Variants in ELK3 observed in about 807,000 individuals in gnomAD.
ELK3 encodes ETS transcription factor ELK3, also known as ETS domain-containing protein Elk-3.
ELK3 carries 10 observed loss-of-function variants against 28.9 expected under a neutral mutation model. The observed-to-expected ratio is 0.35, with a 90% CI of 0.21 to 0.59. ELK3 has a LOEUF of 0.59. Ranked by LOEUF, ELK3 falls within the 20% of genes least tolerant of loss-of-function variation. The pLI is 0.82. For missense variants in ELK3, 463 were observed against 517.3 expected (o/e 0.90, Z 1.02); for synonymous variants, 272 against 243.5 (o/e 1.12, Z -1.09).
intron 4 of ELK3, among the ~76,000 whole-genome samples, chr12:96,264,891 C>A (rs1952018484): frequency 6.6e-6 from 1 of 152,190 alleles, no homozygotes; most frequent in Non-Finnish European, 1.5e-5. Flanking sequence ...ATTTAATACT[C>A]CCAGTAATTC....
At chr12:96,259,155 GAA>G (rs1174267788) in intron 3 of ELK3, among the ~76,000 whole-genome samples, 19 of 152,312 alleles carry the variant, frequency 1.2e-4, no homozygotes, top group African/African-American at 4.6e-4. Context: ...CCATTCGGAC[GAA>G]AGTTGATACA....
intron 2 of ELK3, among the ~76,000 whole-genome samples, chr12:96,240,427 A>G (rs11835157): frequency 0.095 from 14,487 of 152,214 alleles, 739 homozygotes; most frequent in Middle Eastern, 0.18. Flanking sequence ...TAGAAGCTGT[A>G]TATGGATGTC....
intron 2 of ELK3, among the ~76,000 whole-genome samples, chr12:96,231,672 T>C (rs1409779710): frequency 2.6e-5 from 4 of 152,162 alleles, no homozygotes; most frequent in Non-Finnish European, 5.9e-5. Flanking sequence ...TTTGTATTTT[T>C]AGTAGAGATG....
intron 2 of ELK3, among the ~76,000 whole-genome samples, chr12:96,237,271 C>A (rs930675288): frequency 2.2e-4 from 33 of 152,322 alleles, no homozygotes; most frequent in Non-Finnish European, 2.8e-4. Context: ...GGAGCCCTTT[C>A]ATAAGATGCT....
intron 3 of ELK3, among the ~76,000 whole-genome samples, chr12:96,259,167 A>G (rs1951974323): frequency 6.6e-6 from 1 of 152,232 alleles, no homozygotes; most frequent in South Asian, 2.1e-4. Context: ...AAGTTGATAC[A>G]AACTTGAATT....
intron 1 of ELK3, among the ~76,000 whole-genome samples, chr12:96,203,706 C>T (rs949132146): frequency 1.3e-5 from 2 of 152,060 alleles, no homozygotes; most frequent in Non-Finnish European, 2.9e-5. Context: ...TTTGAGAGGC[C>T]GAGGCGGGCA....
intron 2 of ELK3, among the ~76,000 whole-genome samples, chr12:96,227,788 T>C (rs1565783233): frequency 1.3e-5 from 2 of 152,224 alleles, no homozygotes; most frequent in African/African-American, 2.4e-5. Context: ...GCTCCATGAC[T>C]GTGGCCGTGT....
At chr12:96,195,145 G>A (rs1350780106) in intron 1 of ELK3, among the ~76,000 whole-genome samples, 2 of 152,152 alleles carry the variant, frequency 1.3e-5, no homozygotes, top group Non-Finnish European at 2.9e-5. Flanking sequence ...CCTGGAGGCT[G>A]GACCACCGCC....
intron 3 of ELK3, among the ~76,000 whole-genome samples, chr12:96,253,301 G>A (rs770088885): frequency 3.3e-5 from 5 of 152,182 alleles, no homozygotes; most frequent in Admixed American, 1.3e-4. Flanking sequence ...GTCAATCAAT[G>A]TGGCAAACTT....
intron 4 of ELK3, among the ~76,000 whole-genome samples, chr12:96,260,766 A>C (rs2137043312): frequency 6.6e-6 from 1 of 152,282 alleles, no homozygotes; most frequent in African/African-American, 2.4e-5. Flanking sequence ...CCTCTTTCCC[A>C]AATTCTAGCT....
chr12:96,257,210 T>C (rs1951957259), intron 3 of ELK3, among the ~76,000 whole-genome samples: 1 of 152,218 alleles, frequency 6.6e-6, no homozygotes, highest in South Asian at 2.1e-4. Flanking sequence ...GTCCCGGAGA[T>C]AACCCAGAGC....
chr12:96,200,205 T>C (rs1409910924), intron 1 of ELK3, among the ~76,000 whole-genome samples: 1 of 152,174 alleles, frequency 6.6e-6, no homozygotes, highest in East Asian at 1.9e-4. Flanking sequence ...GAACATCCAT[T>C]ATCTTCCTTC....
intron 1 of ELK3, among the ~76,000 whole-genome samples, chr12:96,206,996 A>G (rs536728231): frequency 2.5e-4 from 38 of 152,386 alleles, no homozygotes; most frequent in African/African-American, 8.2e-4. Context: ...AATATGAGGC[A>G]TTATGAGAAG....
Position 96,267,223 on chromosome 12 carries a change from A to G in ELK3, c.*43A>G. 6.4e-7 allele frequency: 1 copy of G among 1,564,362 alleles called. No homozygotes were observed. Among genetic ancestry groups the G allele is most frequent in the Non-Finnish European group, 8.7e-7 (1 of 1,146,456 alleles). ...TAAGGACTCATTAACTGATGAAACAAATTTGTCCCCACGGGCTAGTTTACC... is the reference window on the plus strand; with the variant it reads ...TAAGGACTCATTAACTGATGAAACAGATTTGTCCCCACGGGCTAGTTTACC... On this transcript the variant is annotated 3_prime_UTR_variant, in exon 5 of 5. Transcript: ENST00000228741.
chr12:96,238,799 C>T (rs746473623), intron 2 of ELK3, among the ~76,000 whole-genome samples: 2 of 152,196 alleles, frequency 1.3e-5, no homozygotes, highest in African/African-American at 2.4e-5. Context: ...AATAACTGTT[C>T]TCAAGCAAGG....
At chr12:96,196,860 A>G (rs117967765) in intron 1 of ELK3, among the ~76,000 whole-genome samples, 2,062 of 151,224 alleles carry the variant, frequency 0.014, 45 homozygotes, top group Admixed American at 0.057. Flanking sequence ...TGACAAAGAC[A>G]TGTTGCTTTT....
At chr12:96,223,036 G>C (rs1951673854) in intron 1 of ELK3, 1 of 180,406 alleles carries the variant, frequency 5.5e-6, no homozygotes, top group South Asian at 1.3e-4. Context: ...ATGGTACCAA[G>C]GGAGATGGTG....
chr12:96,222,124 C>CT (rs1317234328), intron 1 of ELK3, among the ~76,000 whole-genome samples: 2 of 152,100 alleles, frequency 1.3e-5, no homozygotes, highest in Non-Finnish European at 1.5e-5. Context: ...GTCTAACCAC[C>CT]TTTTTTTAAA....
At chr12:96,239,215 T>G (rs918171990) in intron 2 of ELK3, among the ~76,000 whole-genome samples, 1 of 152,236 alleles carries the variant, frequency 6.6e-6, no homozygotes, top group Non-Finnish European at 1.5e-5. Context: ...TTAATTTTTC[T>G]ACCTCCTTTT....
Sources: allele counts gnomAD v4.1 joint callset (sites outside exome capture counted in the v4.1 genomes callset), GRCh38; gene constraint gnomAD v4.1.1; transcripts MANE v1.5; gene names NCBI Gene and HGNC (gene_info 2026-07-23, HGNC 2026-07-21).